TICRR: variants seen among roughly 807,000 people sequenced by gnomAD.
TICRR encodes the protein treslin.
TICRR carries 132 observed loss-of-function variants against 178.1 expected under a neutral mutation model. The observed-to-expected ratio is 0.74, with a 90% CI of 0.64 to 0.86. The LOEUF is 0.86. TICRR is among the 40% of genes least tolerant of loss of function. TICRR has a pLI of 0.00. For synonymous variants in TICRR, 991 were observed against 900.7 expected, an observed-to-expected ratio of 1.10 and a Z score of -1.79; for missense variants, 2,587 against 2,334.3, an observed-to-expected ratio of 1.11 and a Z score of -2.23.
rs753028027 is a variant in TICRR, at chr15:89,599,372, A to G, written c.1949A>G (p.Gln650Arg). The change falls in exon 8 of 22, where the codon CAA becomes CGA. Residue 650 changes from glutamine to arginine, a missense_variant. Transcript: ENST00000268138. Reference sequence around the variant, plus strand: ...CTATCATATATACGTGAAAATTACCAAAAGACTGTGGCCACAGGAGAAATC... The same window carrying G: ...CTATCATATATACGTGAAAATTACCGAAAGACTGTGGCCACAGGAGAAATC... ...ELLSYIRENY[Q>R]KTVATGEIML... 49 of 1,613,456 alleles carry G rather than the reference A, an allele frequency of 3.0e-5. 1 individual carries two copies. The South Asian group carries it at 4.6e-4, about 15-fold the overall frequency.
At chr15:89,619,178 C>T (rs191213144) in intron 17 of TICRR, among the ~76,000 whole-genome samples, 351 of 150,882 alleles carry the variant, frequency 2.3e-3, no homozygotes, top group African/African-American at 7.9e-3. Context: ...CATATACATA[C>T]GAAACCTAAC....
At position 89,585,962 on chromosome 15, in the gene TICRR, A is replaced by G. The variant is rs780227765; in HGVS notation, c.1411+20A>G. The G allele has an allele frequency of 1.3e-6, 2 of 1,598,092 alleles. No individual in the cohort carries two copies. The highest frequency in any genetic ancestry group is 2.2e-5 in the East Asian group (1 of 44,778). On this transcript the variant is annotated intron_variant, in intron 4 of 21. Coordinates refer to ENST00000268138, the MANE Select transcript of TICRR (RefSeq NM_152259.4). ...CTGCTGGTAAGCTCCTAAACTAGTA[A>G]CTAACAGAGTCTAGGGTGGTTTGCA...
At chr15:89,623,113 G>T (rs141302443) in intron 19 of TICRR, among the ~76,000 whole-genome samples, 1 of 152,226 alleles carries the variant, frequency 6.6e-6, no homozygotes, top group Admixed American at 6.5e-5. Flanking sequence ...TTATTGGGGA[G>T]TGTCTTTTCT....
rs1962606078 is a variant in TICRR, at chr15:89,576,002, A to G, written c.416A>G (p.Glu139Gly). Reference protein sequence around the residue: ...SGRRLLDVESEAKEAEAALGG... With the variant: ...SGRRLLDVESGAKEAEAALGG... Reference sequence around the variant, plus strand: ...AGGAGACTGCTGGACGTGGAGAGCGAGGCCAAGGAGGCCGAGGCCGCGCTC... The same window carrying G: ...AGGAGACTGCTGGACGTGGAGAGCGGGGCCAAGGAGGCCGAGGCCGCGCTC... Residue 139 changes from glutamate to glycine, a missense_variant, in exon 1 of 22, where the codon GAG becomes GGG. Coordinates refer to ENST00000268138, the MANE Select transcript of TICRR (RefSeq NM_152259.4). 6.2e-7 allele frequency: 1 copy of G among 1,607,352 alleles called. No homozygotes were observed. The highest frequency in any genetic ancestry group is 8.5e-7 in the Non-Finnish European group (1 of 1,177,980).
At chr15:89,615,588 G>A (rs1963322543) in intron 15 of TICRR, among the ~76,000 whole-genome samples, 2 of 152,116 alleles carry the variant, frequency 1.3e-5, no homozygotes, top group African/African-American at 4.8e-5. Context: ...GTTCCTTTAT[G>A]GAGGAGAGTG....
At chr15:89,577,567 T>G (rs973535383) in intron 1 of TICRR, among the ~76,000 whole-genome samples, 1 of 150,310 alleles carries the variant, frequency 6.7e-6, no homozygotes, top group Admixed American at 6.7e-5. Context: ...TAGAAGGTGG[T>G]TATTGTATAC....
chr15:89,620,914 A>C (rs187903638), intron 18 of TICRR, among the ~76,000 whole-genome samples: 1 of 149,912 alleles, frequency 6.7e-6, no homozygotes, highest in East Asian at 2.0e-4. Context: ...TAGTAGAGAC[A>C]GGTTTCACTG....
chr15:89,607,958 T>TA (rs1963198748), intron 14 of TICRR, among the ~76,000 whole-genome samples: 1 of 152,168 alleles, frequency 6.6e-6, no homozygotes, highest in South Asian at 2.1e-4. Flanking sequence ...CTTAGTAAAG[T>TA]AGTCAGAAGA....
At chr15:89,612,914 C>T (rs745956965) in intron 15 of TICRR, among the ~76,000 whole-genome samples, 1 of 152,156 alleles carries the variant, frequency 6.6e-6, no homozygotes, top group African/African-American at 2.4e-5. Flanking sequence ...ACATTGTATG[C>T]CCATCAACAC....
chr15:89,576,449 G>A (rs142650674), intron 1 of TICRR, among the ~76,000 whole-genome samples: 2 of 152,036 alleles, frequency 1.3e-5, no homozygotes, highest in East Asian at 1.9e-4. Flanking sequence ...TCACAATTTG[G>A]GCCCTACCTG....
At chr15:89,583,936 C>G (rs1427765766) in intron 2 of TICRR, among the ~76,000 whole-genome samples, 1 of 152,180 alleles carries the variant, frequency 6.6e-6, no homozygotes, top group East Asian at 1.9e-4. Flanking sequence ...GATCCTCTGG[C>G]CTTGGCCTCC....
intron 15 of TICRR, among the ~76,000 whole-genome samples, chr15:89,612,704 G>A (rs1963273569): frequency 6.6e-6 from 1 of 152,038 alleles, no homozygotes; most frequent in Non-Finnish European, 1.5e-5. Context: ...TTGGGTTGAG[G>A]GACTGACCCC....
At position 89,624,137 on chromosome 15, in the gene TICRR, G is replaced by T. The variant is rs202052132; in HGVS notation, c.3827G>T (p.Arg1276Leu). 8 of 1,613,564 alleles carry T rather than the reference G, an allele frequency of 5.0e-6. No homozygotes were observed. The highest frequency in any genetic ancestry group is 6.8e-6 in the Non-Finnish European group (8 of 1,179,996). Reference protein sequence around the residue: ...HQQPHVLRAARAEEPAQKLKD... With the variant: ...HQQPHVLRAALAEEPAQKLKD... The stretch of plus-strand genomic sequence containing the variant: ...CAGCCCCATGTCCTCAGAGCTGCTC[G>T]GGCAGAGGAACCAGCCCAGAAACTA... Residue 1276 changes from arginine (R) to leucine (L), a missense_variant, in exon 20 of 22, where the codon CGG (arginine) becomes CTG (leucine). Arg to Leu is a moderately radical substitution (Grantham distance 102). Transcript: ENST00000268138.
At chr15:89,596,942 C>T (rs1047429909) in intron 7 of TICRR, among the ~76,000 whole-genome samples, 1 of 152,014 alleles carries the variant, frequency 6.6e-6, no homozygotes, top group Non-Finnish European at 1.5e-5. Flanking sequence ...TTTCTGACAT[C>T]CATAATATAA....
intron 5 of TICRR, 90 bp downstream of exon 5, chr15:89,592,266 G>A: frequency 9.2e-7 from 1 of 1,086,940 alleles, no homozygotes; most frequent in Non-Finnish European, 1.3e-6. Flanking sequence ...CATTCTCTGA[G>A]TATAGTCTAA....
intron 14 of TICRR, among the ~76,000 whole-genome samples, chr15:89,608,444 A>T (rs1192606779): frequency 6.6e-6 from 1 of 152,228 alleles, no homozygotes; most frequent in African/African-American, 2.4e-5. Context: ...AAAAGAAATT[A>T]GCACTAGCAT....
At position 89,622,558 on chromosome 15, in the gene TICRR, C is replaced by A. The variant is rs1349220978; in HGVS notation, c.3312+1008C>A. On this transcript the variant is annotated intron_variant, in intron 19 of 21. Coordinates refer to ENST00000268138, the MANE Select transcript of TICRR (RefSeq NM_152259.4). ...AAAAATAATCACCTTTGTTTGGAAA[C>A]TCAGTAAATTGCTTGGAGGTTGGGA... Among the ~76,000 whole-genome samples, 3 of 152,178 alleles carry A rather than the reference C, an allele frequency of 2.0e-5. No individual in the cohort carries two copies. In the East Asian group the frequency reaches 5.8e-4, roughly 29 times the overall value.
chr15:89,614,592 A>G (rs574628083), intron 15 of TICRR, among the ~76,000 whole-genome samples: 1 of 152,136 alleles, frequency 6.6e-6, no homozygotes, highest in African/African-American at 2.4e-5. Context: ...CAGCCTCCCA[A>G]AGTGCTGGGA....
chr15:89,621,841 G>T (rs1963430112), intron 19 of TICRR, among the ~76,000 whole-genome samples: 1 of 152,042 alleles, frequency 6.6e-6, no homozygotes, highest in Non-Finnish European at 1.5e-5. Context: ...ATACCTTTCT[G>T]GAGTGTGTGA....
Sources: gnomAD v4.1 joint callset for allele counts (sites outside exome capture counted in the v4.1 genomes callset) on GRCh38, gnomAD v4.1.1 for gene constraint, MANE v1.5 for transcripts, NCBI Gene and HGNC (gene_info 2026-07-23, HGNC 2026-07-21) for gene names.